Variants in MICU2 observed in about 807,000 individuals in gnomAD.
MICU2 encodes the protein mitochondrial calcium uptake 2.
Under a neutral mutation model 60.4 loss-of-function variants are expected in MICU2, and 64 were observed. That is an observed-to-expected ratio of 1.06 (90% CI 0.87 to 1.31). The LOEUF (loss-of-function observed/expected upper bound fraction) is 1.31, where lower values mean the gene tolerates loss of function less well. Among genes scored for constraint, MICU2 ranks in the 50% most tolerant of loss-of-function variants. MICU2 has a pLI of 0.00. For synonymous variants in MICU2, 201 were observed against 175.0 expected (o/e 1.15, Z -1.17); for missense variants, 569 against 531.0 (o/e 1.07, Z -0.70).
At chr13:21,584,482 G>A (rs922498429) in intron 1 of MICU2, among the ~76,000 whole-genome samples, 2 of 151,810 alleles carry the variant, frequency 1.3e-5, no homozygotes, top group Non-Finnish European at 2.9e-5. Flanking sequence ...AGGTATACAA[G>A]TTTCTAGTAC....
At chr13:21,591,995 C>T (rs1289366550) in intron 1 of MICU2, among the ~76,000 whole-genome samples, 1 of 149,756 alleles carries the variant, frequency 6.7e-6, no homozygotes, top group Non-Finnish European at 1.5e-5. Flanking sequence ...TAGCAGATGA[C>T]AAGAAATAAC....
At chr13:21,530,776 C>T (rs375934783) in intron 4 of MICU2, 3 of 649,382 alleles carry the variant, frequency 4.6e-6, no homozygotes, top group Admixed American at 2.3e-5. Context: ...CACCACCGCC[C>T]CAGCAGCAGC....
In MICU2 at chr13:21,506,374, C is replaced by T. The variant is rs139446757; in HGVS notation, c.762-3277G>A. Reference sequence around the variant, plus strand: ...CACCCACAACCTCAGCTCTAATGGGCTGCAAAAGGCCTTCTTCAAGTATGG... The same window carrying T: ...CACCCACAACCTCAGCTCTAATGGGTTGCAAAAGGCCTTCTTCAAGTATGG... On this transcript the variant is annotated intron_variant, in intron 8 of 11. Coordinates refer to ENST00000382374, the MANE Select transcript of MICU2 (RefSeq NM_152726.3). Among the ~76,000 whole-genome samples the T allele has an allele frequency of 1.9e-3, 295 of 152,298 alleles. 1 individual carries two copies. The highest frequency in any genetic ancestry group is 3.4e-3 in the Middle Eastern group (1 of 294).
intron 1 of MICU2, among the ~76,000 whole-genome samples, chr13:21,601,591 C>G (rs569291666): frequency 2.0e-5 from 3 of 150,716 alleles, no homozygotes; most frequent in African/African-American, 7.3e-5. Context: ...CTTTTAGAAT[C>G]AAGTCAGGGA....
chr13:21,544,530 A>AAAC (rs1555273315), intron 2 of MICU2, among the ~76,000 whole-genome samples: 7 of 149,000 alleles, frequency 4.7e-5, no homozygotes, highest in Admixed American at 6.8e-5. Flanking sequence ...AAAAAAAAAA[A>AAAC]AAAACTCAAT....
chr13:21,578,285 T>G (rs982171515), intron 1 of MICU2, among the ~76,000 whole-genome samples: 2 of 152,098 alleles, frequency 1.3e-5, no homozygotes, highest in African/African-American at 2.4e-5. Context: ...TCAAAGTGTG[T>G]CCTTAAAAAA....
intron 4 of MICU2, among the ~76,000 whole-genome samples, chr13:21,530,251 C>T (rs1249028752): frequency 6.6e-6 from 1 of 152,290 alleles, no homozygotes; most frequent in South Asian, 2.1e-4. Context: ...GTAATGAATG[C>T]TATGTATATT....
At chr13:21,542,953 G>A (rs1262632988) in intron 2 of MICU2, among the ~76,000 whole-genome samples, 3 of 152,104 alleles carry the variant, frequency 2.0e-5, no homozygotes, top group Non-Finnish European at 4.4e-5. Context: ...AACAACACCA[G>A]CACTACATAA....
At chr13:21,553,742 T>C (rs1887631352) in intron 2 of MICU2, among the ~76,000 whole-genome samples, 1 of 152,206 alleles carries the variant, frequency 6.6e-6, no homozygotes, top group Non-Finnish European at 1.5e-5. Context: ...GACTGACAAA[T>C]TGGATAGAGT....
intron 2 of MICU2, among the ~76,000 whole-genome samples, chr13:21,554,060 T>C (rs1265476212): frequency 6.6e-6 from 1 of 152,136 alleles, no homozygotes; most frequent in Non-Finnish European, 1.5e-5. Flanking sequence ...CAGAGAGACT[T>C]AGACTCCCAC....
chr13:21,602,498 G>A (rs1005443095), intron 1 of MICU2, among the ~76,000 whole-genome samples: 4 of 151,962 alleles, frequency 2.6e-5, no homozygotes, highest in African/African-American at 7.3e-5. Context: ...GTCCGGCCTG[G>A]GCGACAGAGC....
chr13:21,526,113 CTTTTTTTTTTTTT>C (rs34999871), intron 4 of MICU2, among the ~76,000 whole-genome samples: 1 of 110,574 alleles, frequency 9.0e-6, no homozygotes, highest in East Asian at 2.4e-4. Flanking sequence ...AATTAAAATA[CTTTTTTTTTTTTT>C]TTTTTTTTGG....
chr13:21,540,538 GTTGT>G (rs1465471889), intron 2 of MICU2, among the ~76,000 whole-genome samples: 5 of 152,096 alleles, frequency 3.3e-5, no homozygotes, highest in Admixed American at 2.6e-4. Context: ...TGTAGTTTGG[GTTGT>G]TTAATTTGGA....
At chr13:21,565,161 C>T (rs989589811) in intron 2 of MICU2, among the ~76,000 whole-genome samples, 3 of 152,216 alleles carry the variant, frequency 2.0e-5, no homozygotes, top group Non-Finnish European at 4.4e-5. Flanking sequence ...ACATTATGAA[C>T]TTACTGTACT....
chr13:21,531,273 C>G lies in MICU2; in HGVS notation c.466+8029G>C, dbSNP rs537208725. On this transcript the variant is annotated intron_variant, in intron 4 of 11. Transcript: ENST00000382374. ...ATATTGGAGATAGATTGGAAGATCC[C>G]TTCAAAGCAAACACAGCACAGAAAA... The G allele has an allele frequency of 3.5e-4, 545 of 1,552,234 alleles. 4 individuals carry two copies. The South Asian group carries it at 5.8e-3, about 16-fold the overall frequency.
intron 2 of MICU2, among the ~76,000 whole-genome samples, chr13:21,545,695 C>G (rs1223046039): frequency 6.6e-6 from 1 of 151,432 alleles, no homozygotes; most frequent in African/African-American, 2.4e-5. Context: ...GGGTTGATAT[C>G]ATAGAAGTAG....
intron 1 of MICU2, among the ~76,000 whole-genome samples, chr13:21,596,430 T>C (rs1359602430): frequency 5.6e-5 from 5 of 89,114 alleles, no homozygotes; most frequent in African/African-American, 1.1e-4. Context: ...ATTCAGGTTC[T>C]TTTTTTTTTT....
chr13:21,515,521 T>C, intron 6 of MICU2: 1 of 435,152 alleles, frequency 2.3e-6, no homozygotes, highest in Non-Finnish European at 4.6e-6. Context: ...ATTGAGTACA[T>C]TAAAAAACCT....
intron 2 of MICU2, among the ~76,000 whole-genome samples, chr13:21,550,108 A>G (rs930076991): frequency 1.3e-5 from 2 of 152,188 alleles, no homozygotes; most frequent in Non-Finnish European, 2.9e-5. Flanking sequence ...AGCCACAAAT[A>G]TCTGCTTGCT....
Sources: gnomAD v4.1 joint callset for allele counts (sites outside exome capture counted in the v4.1 genomes callset) on GRCh38, gnomAD v4.1.1 for gene constraint, MANE v1.5 for transcripts, NCBI Gene and HGNC (gene_info 2026-07-23, HGNC 2026-07-21) for gene names.